The following SLC9A1 variants were observed in gnomAD, a reference collection of about 807,000 sequenced individuals.
SLC9A1 encodes the protein solute carrier family 9 member A1, also known as sodium/hydrogen exchanger 1.
In SLC9A1, 22 loss-of-function variants were observed where a neutral mutation model predicts 67.9. The observed-to-expected ratio is 0.32, with a 90% CI of 0.23 to 0.46. SLC9A1 has a LOEUF of 0.46. SLC9A1 is among the 20% of genes least tolerant of loss of function. The pLI, the probability that SLC9A1 is intolerant of heterozygous loss-of-function variation, is 1.00. For missense variants in SLC9A1, 686 were observed against 1,094.8 expected, an observed-to-expected ratio of 0.63 and a Z score of 5.27; for synonymous variants, 421 against 471.8, an observed-to-expected ratio of 0.89 and a Z score of 1.40.
chr1:27,106,100 G>A lies in SLC9A1; in HGVS notation c.1283-13C>T, dbSNP rs1171830885. On this transcript the variant is annotated splice_polypyrimidine_tract_variant and intron_variant, in intron 4 of 11. Coordinates refer to ENST00000263980, the MANE Select transcript of SLC9A1 (RefSeq NM_003047.5). The surrounding 1 kb of genome is among the most constrained non-coding windows in gnomAD (Gnocchi z 4.3). ...AGGCCCAGCACCCCTGCAGGGGAAGGCAGGGGGTGATGAGGGTCAGGTCGG... is the reference window on the plus strand; with the variant it reads ...AGGCCCAGCACCCCTGCAGGGGAAGACAGGGGGTGATGAGGGTCAGGTCGG... The A allele has an allele frequency of 6.3e-7, 1 of 1,597,656 alleles. No individual in the cohort carries two copies. The highest frequency in any genetic ancestry group is 1.7e-5 in the Admixed American group (1 of 59,852).
chr1:27,112,013 T>C, intron 2 of SLC9A1, among the ~76,000 whole-genome samples: 1 of 152,144 alleles, frequency 6.6e-6, no homozygotes, highest in East Asian at 1.9e-4. Context: ...CAGATCCCAC[T>C]GGAGAGGGCT....
At chr1:27,136,309 CAGG>C (rs1369708649) in intron 1 of SLC9A1, among the ~76,000 whole-genome samples, 1 of 152,234 alleles carries the variant, frequency 6.6e-6, no homozygotes, top group Non-Finnish European at 1.5e-5. Flanking sequence ...GAGCAGGGGG[CAGG>C]AGGAGGACTG....
rs1220742919 is a variant in SLC9A1 at position 27,100,218 on chromosome 1, G to A, written c.*89C>T. ...GTAGGGGGAGGGGCAGGGCCAATCC[G>A]GGTCAGGAAGGGCAAGGGGAGCCCC... On this transcript the variant is annotated 3_prime_UTR_variant, in exon 12 of 12. Coordinates refer to ENST00000263980, the MANE Select transcript of SLC9A1 (RefSeq NM_003047.5). The surrounding 1 kb of genome is among the most constrained non-coding windows in gnomAD (Gnocchi z 5.6). The A allele has an allele frequency of 1.8e-5, 18 of 992,334 alleles. No individual in the cohort carries two copies. Among genetic ancestry groups the A allele is most frequent in the Middle Eastern group, 3.0e-4 (1 of 3,380 alleles). 61.5% of individuals were successfully genotyped at this position (992,334 alleles called of 1,614,324 possible).
chr1:27,108,824 G>C (rs570677139), intron 3 of SLC9A1, among the ~76,000 whole-genome samples: 1 of 152,264 alleles, frequency 6.6e-6, no homozygotes, highest in East Asian at 1.9e-4. Flanking sequence ...TGACCCAATA[G>C]GAGTCAATGA....
chr1:27,131,600 T>A (rs2083384747), intron 1 of SLC9A1, among the ~76,000 whole-genome samples: 1 of 151,538 alleles, frequency 6.6e-6, no homozygotes, highest in Non-Finnish European at 1.5e-5. Context: ...ACACAAAAAT[T>A]AGCTGGGCGT....
chr1:27,141,361 A>G (rs1315067566), intron 1 of SLC9A1, among the ~76,000 whole-genome samples: 2 of 152,218 alleles, frequency 1.3e-5, no homozygotes, highest in Non-Finnish European at 2.9e-5. Flanking sequence ...TCCAAAGGGA[A>G]CTGCTCTGGG....
In SLC9A1 at chr1:27,101,077, G is replaced by C; in HGVS notation, c.2110+126C>G. The C allele has an allele frequency of 1.4e-6, 1 of 694,664 alleles. No individual in the cohort carries two copies. The highest frequency in any genetic ancestry group is 2.7e-5 in the East Asian group (1 of 36,848). 43.0% of individuals were successfully genotyped at this position (694,664 alleles called of 1,614,324 possible). A position where few individuals can be genotyped will look rare whatever the true frequency, so the allele number is the denominator to read the frequency against. On this transcript the variant is annotated intron_variant, in intron 11 of 11. Coordinates refer to ENST00000263980, the MANE Select transcript of SLC9A1 (RefSeq NM_003047.5). The surrounding 1 kb of genome is among the most constrained non-coding windows in gnomAD (Gnocchi z 4.9). ...TAGAAGCAGCTCATGGCTTGGGAGGGGATCCTGAGGTCAGCGAGGGCCAGG... is the reference window on the plus strand; with the variant it reads ...TAGAAGCAGCTCATGGCTTGGGAGGCGATCCTGAGGTCAGCGAGGGCCAGG...
At chr1:27,105,737 GGGGAGT>G (rs2083179612) in intron 5 of SLC9A1, 142 bp downstream of exon 5, 1 of 736,908 alleles carries the variant, frequency 1.4e-6, no homozygotes, top group African/African-American at 1.7e-5. Context: ...GCCCAGAAAG[GGGGAGT>G]GGCTCGCCCA....
At chr1:27,138,172 C>A (rs2083431347) in intron 1 of SLC9A1, among the ~76,000 whole-genome samples, 1 of 152,224 alleles carries the variant, frequency 6.6e-6, no homozygotes, top group African/African-American at 2.4e-5. Flanking sequence ...ACGGGCCTGG[C>A]ATGATCTGGC....
chr1:27,135,423 C>T (rs1044944868), intron 1 of SLC9A1, among the ~76,000 whole-genome samples: 1 of 150,794 alleles, frequency 6.6e-6, no homozygotes, highest in Non-Finnish European at 1.5e-5. Context: ...TCAGAGTGCT[C>T]GGCCCGAGAA....
rs774225432 is a variant in SLC9A1, at chr1:27,109,479, C to G, written c.1064+48G>C. ...AGCCTGGGGAATCCAAGCTGGCAGC[C>G]CCCGCCCCCACCCCGCCAAGCCCAC... is the stretch of plus-strand genomic sequence containing the variant. On this transcript the variant is annotated intron_variant, in intron 3 of 11. Coordinates refer to ENST00000263980, the MANE Select transcript of SLC9A1 (RefSeq NM_003047.5). The surrounding 1 kb of genome is among the most constrained non-coding windows in gnomAD (Gnocchi z 5.5). The G allele has an allele frequency of 7.9e-5, 126 of 1,595,902 alleles. No homozygotes were observed. Among genetic ancestry groups the G allele is most frequent in the Non-Finnish European group, 1.0e-4 (122 of 1,173,182 alleles).
intron 2 of SLC9A1, among the ~76,000 whole-genome samples, chr1:27,112,334 G>A (rs2124152041): frequency 6.6e-6 from 1 of 152,338 alleles, no homozygotes; most frequent in Non-Finnish European, 1.5e-5. Context: ...CTTCCTGAAG[G>A]CTGGGGCTGC....
At position 27,118,948 on chromosome 1, in the gene SLC9A1, C is replaced by T. The variant is rs1176298285; in HGVS notation, c.353-4662G>A. Reference sequence around the variant, plus strand: ...CAAGCACAGCCACAGGCCAAACCCTCTGACACAGTTCAGAGTTGGCGCTCC... The same window carrying T: ...CAAGCACAGCCACAGGCCAAACCCTTTGACACAGTTCAGAGTTGGCGCTCC... On this transcript the variant is annotated intron_variant, in intron 1 of 11. Coordinates refer to ENST00000263980, the MANE Select transcript of SLC9A1 (RefSeq NM_003047.5). This position sits in a 1 kb window ranked among gnomAD's most constrained non-coding sequence, Gnocchi z 4.3. Among the ~76,000 whole-genome samples, 10 of 152,032 alleles carry T rather than the reference C, an allele frequency of 6.6e-5. No individual in the cohort carries two copies. Among genetic ancestry groups the T allele is most frequent in the African/African-American group, 2.4e-4 (10 of 41,366 alleles).
intron 1 of SLC9A1, among the ~76,000 whole-genome samples, chr1:27,139,338 C>T (rs1010485770): frequency 2.0e-5 from 3 of 152,184 alleles, no homozygotes; most frequent in South Asian, 2.1e-4. Flanking sequence ...CTAAAGGTCT[C>T]CTGTTCTTTG....
chr1:27,128,308 T>C (rs1013705070), intron 1 of SLC9A1, among the ~76,000 whole-genome samples: 2 of 152,144 alleles, frequency 1.3e-5, no homozygotes, highest in African/African-American at 4.8e-5. Flanking sequence ...TGGCACAGCG[T>C]TGCTGTAAGA....
chr1:27,151,065 C>G (rs563603860), intron 1 of SLC9A1, among the ~76,000 whole-genome samples: 70 of 152,288 alleles, frequency 4.6e-4, no homozygotes, highest in Non-Finnish European at 8.2e-4. Flanking sequence ...GTGTCATCTT[C>G]CCTCCCGCCA....
intron 2 of SLC9A1, among the ~76,000 whole-genome samples, chr1:27,110,440 G>A (rs917202871): frequency 1.3e-5 from 2 of 152,168 alleles, no homozygotes; most frequent in African/African-American, 4.8e-5. Context: ...AAGCACCCCA[G>A]GGGTTGCAAT....
At chr1:27,145,598 G>A (rs2083480183) in intron 1 of SLC9A1, among the ~76,000 whole-genome samples, 1 of 152,238 alleles carries the variant, frequency 6.6e-6, no homozygotes, top group Non-Finnish European at 1.5e-5. Flanking sequence ...GTCTCAAACA[G>A]GCTCAGCACT....
Position 27,137,029 on chromosome 1 carries a change from A to C in SLC9A1, c.352+16954T>G, listed in dbSNP as rs540082478. Reference sequence around the variant, plus strand: ...CATTGTAAGTGGTAGTGCCAGATGGAGCCCCATCTGCCCCCAGGGCCCACC... The same window carrying C: ...CATTGTAAGTGGTAGTGCCAGATGGCGCCCCATCTGCCCCCAGGGCCCACC... On this transcript the variant is annotated intron_variant, in intron 1 of 11. Coordinates refer to ENST00000263980, the MANE Select transcript of SLC9A1 (RefSeq NM_003047.5). The surrounding 1 kb of genome is among the most constrained non-coding windows in gnomAD (Gnocchi z 4.6). Among the ~76,000 whole-genome samples, 57 of 152,310 alleles carry C rather than the reference A, an allele frequency of 3.7e-4. No homozygotes were observed. Among genetic ancestry groups the C allele is most frequent in the African/African-American group, 1.3e-3 (53 of 41,570 alleles).
Sources: allele counts gnomAD v4.1 joint callset (sites outside exome capture counted in the v4.1 genomes callset), GRCh38; gene constraint gnomAD v4.1.1; non-coding constraint Gnocchi (gnomAD v3.1); transcripts MANE v1.5; gene names NCBI Gene and HGNC (gene_info 2026-07-23, HGNC 2026-07-21).